BRAF: variants seen among roughly 807,000 people sequenced by gnomAD.
The protein encoded by BRAF is B-Raf proto-oncogene, serine/threonine kinase.
Under a neutral mutation model 104.6 loss-of-function variants are expected in BRAF, and 16 were observed. That is an observed-to-expected ratio of 0.15 (90% CI 0.10 to 0.23). BRAF has a LOEUF of 0.23. BRAF is among the 10% of genes least tolerant of loss of function. The probability of loss-of-function intolerance (pLI) is 1.00; values close to 1 mark genes in which losing one functional copy is unlikely to be tolerated. For synonymous variants in BRAF, 310 were observed against 341.6 expected (o/e 0.91, Z 1.02); for missense variants, 541 against 937.3 (o/e 0.58, Z 5.52).
At chr7:140,809,728 A>G (rs1804029878) in intron 3 of BRAF, among the ~76,000 whole-genome samples, 1 of 152,222 alleles carries the variant, frequency 6.6e-6, no homozygotes. Context: ...GTAGTTCTGT[A>G]GATTTGCAGA....
intron 1 of BRAF, among the ~76,000 whole-genome samples, chr7:140,864,088 G>T (rs968382081): frequency 6.6e-6 from 1 of 152,200 alleles, no homozygotes; most frequent in African/African-American, 2.4e-5. Flanking sequence ...TCACTCTAGT[G>T]AAGAATGGAT....
intron 1 of BRAF, among the ~76,000 whole-genome samples, chr7:140,907,058 C>G (rs977028606): frequency 6.6e-6 from 1 of 152,150 alleles, no homozygotes; most frequent in African/African-American, 2.4e-5. Flanking sequence ...GAAATTAGAT[C>G]TTATTCTGTC....
intron 2 of BRAF, among the ~76,000 whole-genome samples, chr7:140,844,346 C>T (rs1808324872): frequency 3.3e-5 from 5 of 152,146 alleles, no homozygotes; most frequent in Admixed American, 2.6e-4. Flanking sequence ...AGTATTGCTA[C>T]AAAGCAAGAC....
chr7:140,823,467 T>C (rs1197523811), intron 3 of BRAF: 1 of 148,604 alleles, frequency 6.7e-6, no homozygotes, highest in Non-Finnish European at 1.5e-5. Context: ...TCCTTGAGAT[T>C]TACTCATGTT....
intron 1 of BRAF, among the ~76,000 whole-genome samples, chr7:140,870,772 C>T (rs1352740027): frequency 6.6e-6 from 1 of 151,928 alleles, no homozygotes; most frequent in Non-Finnish European, 1.5e-5. Context: ...CTATCACTCC[C>T]TAGGCAGTAA....
chr7:140,838,556 C>G (rs1307746691), intron 2 of BRAF, among the ~76,000 whole-genome samples: 1 of 152,094 alleles, frequency 6.6e-6, no homozygotes, highest in Non-Finnish European at 1.5e-5. Context: ...TCTACAGATT[C>G]AATGCAATCC....
intron 1 of BRAF, among the ~76,000 whole-genome samples, chr7:140,866,945 C>G (rs1427594349): frequency 6.6e-6 from 1 of 152,060 alleles, no homozygotes; most frequent in Admixed American, 6.6e-5. Context: ...AAAAAATCAC[C>G]TATTTCATTT....
chr7:140,816,413 T>C (rs922441300), intron 3 of BRAF, among the ~76,000 whole-genome samples: 4 of 152,206 alleles, frequency 2.6e-5, no homozygotes, highest in Admixed American at 1.3e-4. Context: ...ATTGAAACTA[T>C]TTATTTGTAC....
At chr7:140,850,914 A>G (rs1482901999) in intron 1 of BRAF, among the ~76,000 whole-genome samples, 1 of 152,170 alleles carries the variant, frequency 6.6e-6, no homozygotes, top group East Asian at 1.9e-4. Context: ...CCACTTTATA[A>G]AAGAAAGGCA....
rs534487854 is a variant in BRAF at position 140,794,536 on chromosome 7, G to A, written c.981-69C>T. 115 of 1,521,002 alleles carry A rather than the reference G, an allele frequency of 7.6e-5. No individual in the cohort carries two copies. In the East Asian group the frequency reaches 2.5e-3, roughly 33 times the overall value. 94.2% of individuals were successfully genotyped at this position (1,521,002 alleles called of 1,614,324 possible). A position where few individuals can be genotyped will look rare whatever the true frequency, so the allele number is the denominator to read the frequency against. On this transcript the variant is annotated intron_variant, in intron 7 of 19. Coordinates refer to ENST00000644969, the MANE Select transcript of BRAF (RefSeq NM_001374258.1). ...TATAAAGGTAATAATATTTAAAAAG[G>A]AAGATAAAAGGATTTTCTTGTTTTT...
intron 3 of BRAF, among the ~76,000 whole-genome samples, chr7:140,810,664 C>T (rs769065885): frequency 6.6e-5 from 10 of 152,184 alleles, no homozygotes; most frequent in Non-Finnish European, 1.0e-4. Context: ...ATTAAAGAGA[C>T]TGGATGGTAC....
Position 140,826,642 on chromosome 7 carries a change from G to T in BRAF, c.504+7967C>A, listed in dbSNP as rs148458729. 3.8e-4 allele frequency among the ~76,000 whole-genome samples: 58 copies of T among 152,234 alleles called. No individual in the cohort carries two copies. In the East Asian group the frequency reaches 0.011, roughly 29 times the overall value. On this transcript the variant is annotated intron_variant, in intron 3 of 19. Transcript: ENST00000644969. ...TGGTAGTTACACATGTAAAAACTCT[G>T]AGCGATATACTTCAGATTTGTACCC...
intron 1 of BRAF, among the ~76,000 whole-genome samples, chr7:140,900,278 A>G (rs906361837): frequency 6.6e-6 from 1 of 152,158 alleles, no homozygotes; most frequent in Admixed American, 6.5e-5. Flanking sequence ...AAATTTGTCC[A>G]TTTTTTATGG....
At chr7:140,815,339 GT>G (rs1190900414) in intron 3 of BRAF, among the ~76,000 whole-genome samples, 2 of 151,136 alleles carry the variant, frequency 1.3e-5, no homozygotes, top group African/African-American at 2.4e-5. Context: ...TAGAGACGGG[GT>G]TTCTCCTTGT....
intron 7 of BRAF, among the ~76,000 whole-genome samples, chr7:140,796,555 A>G (rs1442817026): frequency 6.6e-6 from 1 of 152,226 alleles, no homozygotes; most frequent in Admixed American, 6.5e-5. Flanking sequence ...GAAGAAAAAC[A>G]AAAACCAGAT....
At chr7:140,839,142 A>G (rs995245970) in intron 2 of BRAF, among the ~76,000 whole-genome samples, 3 of 152,114 alleles carry the variant, frequency 2.0e-5, no homozygotes, top group African/African-American at 7.2e-5. Flanking sequence ...CACACAGAAG[A>G]ATGAAGTTGG....
chr7:140,908,467 T>C (rs1816583753), intron 1 of BRAF, among the ~76,000 whole-genome samples: 1 of 152,126 alleles, frequency 6.6e-6, no homozygotes, highest in Admixed American at 6.5e-5. Context: ...TGCCTTTCCA[T>C]CTGCCAGGCC....
chr7:140,885,607 A>G (rs1276646530), intron 1 of BRAF, among the ~76,000 whole-genome samples: 1 of 152,204 alleles, frequency 6.6e-6, no homozygotes, highest in Non-Finnish European at 1.5e-5. Flanking sequence ...TCTGTGTTAC[A>G]ATGTAGTTTC....
At chr7:140,757,941 A>G (rs1209149855) in intron 14 of BRAF, among the ~76,000 whole-genome samples, 1 of 152,250 alleles carries the variant, frequency 6.6e-6, no homozygotes, top group Non-Finnish European at 1.5e-5. Context: ...TCCTTAAGAA[A>G]ACAATGAGAG....
Sources: allele counts gnomAD v4.1 joint callset (sites outside exome capture counted in the v4.1 genomes callset), GRCh38; gene constraint gnomAD v4.1.1; transcripts MANE v1.5; gene names NCBI Gene and HGNC (gene_info 2026-07-23, HGNC 2026-07-21).